Variants in RUFY4 observed in about 807,000 individuals in gnomAD.
RUFY4 encodes the protein RUN and FYVE domain containing 4.
In RUFY4, 73 loss-of-function variants were observed where a neutral mutation model predicts 69.0. The observed-to-expected ratio is 1.06, with a 90% CI of 0.88 to 1.29. RUFY4 has a LOEUF of 1.29. Ranked by LOEUF, RUFY4 falls within the 50% of genes most tolerant of loss-of-function variation. The pLI, the probability that RUFY4 is intolerant of heterozygous loss-of-function variation, is 0.00. For synonymous variants in RUFY4, 287 were observed against 271.8 expected (o/e 1.06, Z -0.55); for missense variants, 770 against 705.6 (o/e 1.09, Z -1.03).
chr2:218,079,234 A>G lies in RUFY4; in HGVS notation c.1355+2701A>G, dbSNP rs1574515083. Among the ~76,000 whole-genome samples the G allele has an allele frequency of 2.6e-5, 4 of 152,236 alleles. No individual in the cohort carries two copies. The South Asian group carries it at 8.3e-4, about 32-fold the overall frequency. ...CAGGCAAGCTGAACACAGGGAGTCC[A>G]GCGAGGACCCTGCCATGCAGGGGAG... On this transcript the variant is annotated intron_variant, in intron 8 of 10. Transcript: ENST00000344321.
exon 1 of RUFY4, chr2:218,070,638 C>A (rs1265215361): frequency 1.3e-6 from 2 of 1,537,498 alleles, no homozygotes; most frequent in Non-Finnish European, 8.7e-7. Flanking sequence ...TCAAGGTCAC[C>A]AAAGACCTAA....
chr2:218,071,738 G>T (rs1167870435), intron 2 of RUFY4, among the ~76,000 whole-genome samples: 1 of 152,076 alleles, frequency 6.6e-6, no homozygotes, highest in African/African-American at 2.4e-5. Flanking sequence ...TCTGTTTGTT[G>T]TCTTAACTCC....
chr2:218,054,098 A>G (rs543636643), intron 2 of RUFY4, among the ~76,000 whole-genome samples: 42 of 152,368 alleles, frequency 2.8e-4, no homozygotes, highest in Non-Finnish European at 5.1e-4. Context: ...TGCAATACAA[A>G]TGACAGAATT....
chr2:218,076,395 C>T, intron 7 of RUFY4, 32 bp from the exon 10 acceptor site: 1 of 1,546,506 alleles, frequency 6.5e-7, no homozygotes, highest in Non-Finnish European at 8.7e-7. Context: ...CCTTCTCCTT[C>T]AGCCTCCTTC....
At chr2:218,084,734 T>C (rs112694699) in intron 9 of RUFY4, among the ~76,000 whole-genome samples, 3,708 of 152,190 alleles carry the variant, frequency 0.024, 54 homozygotes, top group South Asian at 0.049. Context: ...ATATGATTGT[T>C]AAAGAAAACT....
At chr2:218,036,728 C>T (rs181472741) in intron 2 of RUFY4, among the ~76,000 whole-genome samples, 86 of 152,346 alleles carry the variant, frequency 5.6e-4, no homozygotes, top group Admixed American at 1.6e-3. Flanking sequence ...AGATTCACCA[C>T]GATGAGGAGT....
At chr2:218,040,349 A>G (rs1350798281) in intron 2 of RUFY4, among the ~76,000 whole-genome samples, 2 of 152,088 alleles carry the variant, frequency 1.3e-5, no homozygotes, top group Non-Finnish European at 1.5e-5. Context: ...CACCTTACTC[A>G]TCAAGTGCCC....
intron 2 of RUFY4, among the ~76,000 whole-genome samples, chr2:218,047,626 A>C (rs572764695): frequency 3.3e-5 from 5 of 152,242 alleles, no homozygotes; most frequent in Admixed American, 1.3e-4. Flanking sequence ...TACATGTATT[A>C]ATTAAAATTC....
rs1224739155 is a variant in RUFY4, at chr2:218,064,060, G to A, written c.-1070-4535G>A. On this transcript the variant is annotated intron_variant and NMD_transcript_variant, in intron 3 of 13. Coordinates refer to the RUFY4 transcript ENST00000457754. ...AATAGTATTTTCCATGAACCCATAA[G>A]CACCCCACCCCAGCCCCGCTCCACC... is the stretch of plus-strand genomic sequence containing the variant. 5.9e-5 allele frequency among the ~76,000 whole-genome samples: 9 copies of A among 152,270 alleles called. No individual in the cohort carries two copies. The Middle Eastern group carries it at 0.01, about 173-fold the overall frequency.
At chr2:218,071,455 C>T (rs1394687812) in intron 2 of RUFY4, among the ~76,000 whole-genome samples, 2 of 152,100 alleles carry the variant, frequency 1.3e-5, no homozygotes, top group Non-Finnish European at 2.9e-5. Context: ...ACTTAGAATG[C>T]TCTTCCACTG....
intron 2 of RUFY4, among the ~76,000 whole-genome samples, chr2:218,057,892 T>A (rs1689096912): frequency 6.6e-6 from 1 of 152,240 alleles, no homozygotes; most frequent in Non-Finnish European, 1.5e-5. Flanking sequence ...CTTCAGAGTG[T>A]AACTAATGAA....
At chr2:218,070,623 C>T (rs1217434536) in exon 1 of RUFY4, 3 of 1,537,638 alleles carry the variant, frequency 2.0e-6, no homozygotes, top group East Asian at 4.9e-5. Context: ...AAGAGGGAGC[C>T]ATCCTCAAGG....
chr2:218,074,020 C>G lies in RUFY4; in HGVS notation c.600+135C>G, dbSNP rs577724868. 15 of 875,540 alleles carry G rather than the reference C, an allele frequency of 1.7e-5. No individual in the cohort carries two copies. In the African/African-American group the frequency reaches 2.3e-4, roughly 14 times the overall value. 54.2% of individuals were successfully genotyped at this position (875,540 alleles called of 1,614,324 possible). A position where few individuals can be genotyped will look rare whatever the true frequency, so the allele number is the denominator to read the frequency against. On this transcript the variant is annotated intron_variant, in intron 6 of 10. Transcript: ENST00000344321. The stretch of plus-strand genomic sequence containing the variant: ...CTACAGGACAGACAGAGCAAGAGGC[C>G]AGTGTGTGGAGCAGGGGACTGGGGA...
chr2:218,046,873 C>T (rs776705305), intron 2 of RUFY4, among the ~76,000 whole-genome samples: 6 of 151,966 alleles, frequency 3.9e-5, no homozygotes, highest in Non-Finnish European at 5.9e-5. Flanking sequence ...TGGAAACTCT[C>T]AATGTTAATT....
chr2:218,046,687 A>G (rs1206885263), intron 2 of RUFY4, among the ~76,000 whole-genome samples: 1 of 152,230 alleles, frequency 6.6e-6, no homozygotes. Context: ...GGAATTTTAT[A>G]CAATTTCTAG....
chr2:218,070,940 A>G, intron 2 of RUFY4, 81 bp downstream of exon 4: 1 of 1,053,334 alleles, frequency 9.5e-7, no homozygotes, highest in Non-Finnish European at 1.4e-6. Flanking sequence ...ATCAGGGAGG[A>G]GCCACAGCCC....
intron 3 of RUFY4, chr2:218,059,880 G>A (rs974234038): frequency 1.2e-5 from 2 of 167,818 alleles, no homozygotes; most frequent in Non-Finnish European, 2.9e-5. Context: ...TATGTCTGAT[G>A]TTTTGAGGAA....
chr2:218,087,192 A>T (rs1689914714), intron 9 of RUFY4, among the ~76,000 whole-genome samples: 1 of 152,190 alleles, frequency 6.6e-6, no homozygotes, highest in Admixed American at 6.5e-5. Flanking sequence ...AATAGAATCC[A>T]ATAGAATGTT....
At chr2:218,081,998 C>T (rs886694090) in intron 8 of RUFY4, among the ~76,000 whole-genome samples, 9 of 152,252 alleles carry the variant, frequency 5.9e-5, no homozygotes, top group Admixed American at 3.9e-4. Context: ...GCATCCTGAG[C>T]GCTGGGACTC....
Sources: allele counts gnomAD v4.1 joint callset (sites outside exome capture counted in the v4.1 genomes callset), GRCh38; gene constraint gnomAD v4.1.1; transcripts MANE v1.5; gene names NCBI Gene and HGNC (gene_info 2026-07-23, HGNC 2026-07-21).